Variants in ORMDL2 observed in about 807,000 individuals in gnomAD.
ORMDL2 encodes the protein ORM1-like protein 2.
A neutral mutation model predicts 13.5 loss-of-function variants in ORMDL2; 11 were observed. The observed-to-expected ratio is 0.82, with a 90% confidence interval of 0.51 to 1.35. The LOEUF is 1.35. Among genes scored for constraint, ORMDL2 ranks in the 40% most tolerant of loss-of-function variants. The pLI is 0.00. For missense variants in ORMDL2, 160 were observed against 191.1 expected (o/e 0.84, Z 0.96); for synonymous variants, 73 against 76.5 (o/e 0.95, Z 0.24).
At position 55,818,100 on chromosome 12, in the gene ORMDL2, T is replaced by G. The variant is rs1165914892; in HGVS notation, c.-14T>G. 2 of 494,518 alleles carry G rather than the reference T, an allele frequency of 4.0e-6. No individual in the cohort carries two copies. Among genetic ancestry groups the G allele is most frequent in the Admixed American group, 4.6e-5 (2 of 43,616 alleles). 30.6% of individuals were successfully genotyped at this position (494,518 alleles called of 1,614,324 possible). ...CGCCGCGCCCATAGCCGGACGGGGA[T>G]CTGAGCTGGCAGGTAGGAGCTGCAA... On this transcript the variant is annotated 5_prime_UTR_variant, in exon 1 of 4. Transcript: ENST00000243045.
intron 1 of ORMDL2, 125 bp from the exon 2 acceptor site, chr12:55,818,874 G>T: frequency 1.3e-6 from 1 of 759,418 alleles, no homozygotes; most frequent in Non-Finnish European, 2.1e-6. Context: ...TGCGTGATGG[G>T]TAAGTTCTTC....
At chr12:55,819,676 T>C (rs1215626430) in intron 3 of ORMDL2, among the ~76,000 whole-genome samples, 183 bp downstream of exon 3, 1 of 152,184 alleles carries the variant, frequency 6.6e-6, no homozygotes, top group African/African-American at 2.4e-5. Flanking sequence ...AATACTGTAA[T>C]CAAGCATTCC....
intron 3 of ORMDL2, 93 bp downstream of exon 3, chr12:55,819,586 T>TTTTTACA: frequency 2.7e-6 from 3 of 1,125,714 alleles, no homozygotes; most frequent in Non-Finnish European, 3.9e-6. Context: ...AAAAGCAGAC[T>TTTTTACA]TCTCATCTAA....
Position 55,819,361 on chromosome 12 carries a change from ATACGGT to A in ORMDL2, c.195_200del (p.His65_Val67delinsGln). The stretch of plus-strand genomic sequence containing the variant: ...TCCCAGGCTACGTATGTCTTCCTTC[ATACGGT>A]GAAAGGGACACCCTTTGAGACTCCT... On this transcript the variant is annotated inframe_deletion, in exon 3 of 4. Coordinates refer to ENST00000243045, the MANE Select transcript of ORMDL2 (RefSeq NM_014182.5). 2 of 1,614,072 alleles carry A rather than the reference ATACGGT, an allele frequency of 1.2e-6. No individual in the cohort carries two copies. Among genetic ancestry groups the A allele is most frequent in the Non-Finnish European group, 1.7e-6 (2 of 1,180,016 alleles).
intron 1 of ORMDL2, 180 bp from the exon 2 acceptor site, chr12:55,818,816 CTCT>C: frequency 1.7e-6 from 1 of 584,500 alleles, no homozygotes; most frequent in Non-Finnish European, 3.1e-6. Context: ...GTAGTGAGGA[CTCT>C]TCTTGTCTTT....
chr12:55,820,940 A>T lies in ORMDL2; in HGVS notation c.*545A>T, dbSNP rs1880648826. 1 of 153,538 alleles carries T rather than the reference A, an allele frequency of 6.5e-6. No individual in the cohort carries two copies. Among genetic ancestry groups the T allele is most frequent in the African/African-American group, 2.4e-5 (1 of 41,468 alleles). The allele number at this position is 153,538 out of a possible 1,614,324, so 9.5% of individuals were successfully genotyped here. On this transcript the variant is annotated 3_prime_UTR_variant, in exon 4 of 4. Transcript: ENST00000243045. ...AGTAGGGAAGAGATTCTCAAATGAG[A>T]AAAAGGGCTCCGGCTATATGGGCAA...
At position 55,820,421 on chromosome 12, in the gene ORMDL2, G is replaced by T; in HGVS notation, c.*26G>T. The T allele has an allele frequency of 6.2e-7, 1 of 1,613,550 alleles. No individual in the cohort carries two copies. Among genetic ancestry groups the T allele is most frequent in the Non-Finnish European group, 8.5e-7 (1 of 1,179,480 alleles). On this transcript the variant is annotated 3_prime_UTR_variant, in exon 4 of 4. Coordinates refer to ENST00000243045, the MANE Select transcript of ORMDL2 (RefSeq NM_014182.5). The stretch of plus-strand genomic sequence containing the variant: ...GGGATGGGTTTTGGGACAGCTCCAT[G>T]GGCATGGGGAAGGCACTGAAACAGA...
intron 3 of ORMDL2, 66 bp from the exon 4 acceptor site, chr12:55,820,194 T>TAAA: frequency 6.7e-6 from 8 of 1,195,836 alleles, no homozygotes; most frequent in South Asian, 1.5e-5. Context: ...AACTGTCTCT[T>TAAA]AAAAAAAAAA....
chr12:55,818,168 G>A lies in ORMDL2; in HGVS notation c.-2+56G>A, dbSNP rs549042923. On this transcript the variant is annotated intron_variant, in intron 1 of 3. Transcript: ENST00000243045. ...GAGGAAAAATGGTGGGAGGCGAAAG[G>A]GGCGCCGAGGGAGTGGTGACCTAAA... 4 of 455,574 alleles carry A rather than the reference G, an allele frequency of 8.8e-6. No individual in the cohort carries two copies. In the Admixed American group the frequency reaches 9.6e-5, roughly 11 times the overall value. The allele number at this position is 455,574 out of a possible 1,614,324, so 28.2% of individuals were successfully genotyped here.
At chr12:55,819,303 A>G (rs990665315) in intron 2 of ORMDL2, 39 bp from the exon 3 acceptor site, 4 of 1,597,938 alleles carry the variant, frequency 2.5e-6, no homozygotes, top group Admixed American at 3.4e-5. Flanking sequence ...CTGAAAAACT[A>G]CTTTCTGCCC....
chr12:55,819,505 G>A lies in ORMDL2; in HGVS notation c.326+12G>A. On this transcript the variant is annotated intron_variant, in intron 3 of 3. Transcript: ENST00000243045. The stretch of plus-strand genomic sequence containing the variant: ...TCTCCTATTGTGCTGTGAGTCTATG[G>A]GGGAAATGAGATATGCTGGGTTAGA... The A allele has an allele frequency of 6.2e-7, 1 of 1,611,918 alleles. No individual in the cohort carries two copies. Among genetic ancestry groups the A allele is most frequent in the Non-Finnish European group, 8.5e-7 (1 of 1,178,794 alleles).
At position 55,820,090 on chromosome 12, in the gene ORMDL2, C is replaced by G. The variant is rs914324405; in HGVS notation, c.327-170C>G. The G allele has an allele frequency of 9.3e-6, 6 of 645,424 alleles. No individual in the cohort carries two copies. The African/African-American group carries it at 1.1e-4, about 12-fold the overall frequency. The allele number at this position is 645,424 out of a possible 1,614,324, so 40.0% of individuals were successfully genotyped here. A position where few individuals can be genotyped will look rare whatever the true frequency, so the allele number is the denominator to read the frequency against. On this transcript the variant is annotated intron_variant, in intron 3 of 3. Coordinates refer to ENST00000243045, the MANE Select transcript of ORMDL2 (RefSeq NM_014182.5). ...GTCCCAGCTACTTGGGAGGCTATGG[C>G]AGAAGGATTGTTTGAGCCCAGGAGT...
In ORMDL2 at chr12:55,821,164, A is replaced by T. The variant is rs1880655201; in HGVS notation, c.*769A>T. The T allele has an allele frequency of 6.5e-6, 1 of 152,676 alleles. No individual in the cohort carries two copies. Among genetic ancestry groups the T allele is most frequent in the South Asian group, 2.1e-4 (1 of 4,832 alleles). The allele number at this position is 152,676 out of a possible 1,614,324, so 9.5% of individuals were successfully genotyped here. A position where few individuals can be genotyped will look rare whatever the true frequency, so the allele number is the denominator to read the frequency against. On this transcript the variant is annotated 3_prime_UTR_variant, in exon 4 of 4. Coordinates refer to ENST00000243045, the MANE Select transcript of ORMDL2 (RefSeq NM_014182.5). ...GGCATGAATCTACTTTTTAAAAATG[A>T]TTAATTTTGGCCATCCTTGCAGAAA...
In ORMDL2 at chr12:55,820,204, AAAG is replaced by A. The variant is rs993617726; in HGVS notation, c.327-53_327-51del. On this transcript the variant is annotated intron_variant, in intron 3 of 3. Coordinates refer to ENST00000243045, the MANE Select transcript of ORMDL2 (RefSeq NM_014182.5). ...GTGAGAACTGTCTCTTAAAAAAAAA[AAAG>A]AATATGGATAGAGAAGGTCAACCTC... The A allele has an allele frequency of 1.0e-5, 16 of 1,527,082 alleles. No individual in the cohort carries two copies. The African/African-American group carries it at 1.7e-4, about 16-fold the overall frequency. The allele number at this position is 1,527,082 out of a possible 1,614,324, so 94.6% of individuals were successfully genotyped here.
chr12:55,819,450 T>C lies in ORMDL2; in HGVS notation c.283T>C (p.Phe95Leu), dbSNP rs768823156. The change falls in exon 3 of 4, where the codon TTT becomes CTT. Residue 95 changes from phenylalanine to leucine, a missense_variant. Physicochemically the swap from Phe to Leu is conservative, Grantham distance 22. Transcript: ENST00000243045. ...GGAGCAAATGGACTATGGGCTCCAG[T>C]TTACCTCTTCCCGCAAGTTCCTCAG... ...HWEQMDYGLQ[F>L]TSSRKFLSIS... 11 of 1,613,952 alleles carry C rather than the reference T, an allele frequency of 6.8e-6. No individual in the cohort carries two copies. In the African/African-American group the frequency reaches 1.1e-4, roughly 16 times the overall value.
At position 55,821,590 on chromosome 12, in the gene ORMDL2, TGTA is replaced by T. The variant is rs1489931562; in HGVS notation, c.*1196_*1198del. The T allele has an allele frequency of 6.4e-6, 1 of 157,388 alleles. No individual in the cohort carries two copies. Among genetic ancestry groups the T allele is most frequent in the Non-Finnish European group, 1.4e-5 (1 of 71,338 alleles). The allele number at this position is 157,388 out of a possible 1,614,324, so 9.7% of individuals were successfully genotyped here. A position where few individuals can be genotyped will look rare whatever the true frequency, so the allele number is the denominator to read the frequency against. On this transcript the variant is annotated 3_prime_UTR_variant, in exon 4 of 4. Transcript: ENST00000243045. ...CAGGCCGGGCACAGTGGCTTATGCC[TGTA>T]ATCCAGCACTTTGGGAGGCCAAGAC... is the stretch of plus-strand genomic sequence containing the variant.
chr12:55,818,892 A>G (rs1880584660), intron 1 of ORMDL2, 107 bp from the exon 2 acceptor site: 14 of 927,018 alleles, frequency 1.5e-5, no homozygotes, highest in Admixed American at 7.6e-5. Context: ...TTCATTCCCA[A>G]TAGAGTTCAG....
intron 3 of ORMDL2, 37 bp from the exon 4 acceptor site, chr12:55,820,222 AG>A (rs1880629521): frequency 1.3e-6 from 2 of 1,578,400 alleles, no homozygotes; most frequent in Admixed American, 3.5e-5. Flanking sequence ...TGGATAGAGA[AG>A]GTCAACCTCA....
At chr12:55,818,739 A>G in intron 1 of ORMDL2, 1 of 465,002 alleles carries the variant, frequency 2.2e-6, no homozygotes, top group East Asian at 3.4e-5. Flanking sequence ...CCCCAAGCCT[A>G]CACATACACC....
Sources: gnomAD v4.1 joint callset for allele counts (sites outside exome capture counted in the v4.1 genomes callset) on GRCh38, gnomAD v4.1.1 for gene constraint, MANE v1.5 for transcripts, NCBI Gene and HGNC (gene_info 2026-07-23, HGNC 2026-07-21) for gene names.